Variants in RYR2 observed in about 807,000 individuals in gnomAD.
The protein encoded by RYR2 is ryanodine receptor 2, also known as cardiac muscle ryanodine receptor-calcium release channel.
Under a neutral mutation model 601.1 loss-of-function variants are expected in RYR2, and 227 were observed. The ratio of observed to expected loss-of-function variants is 0.38; its 90% confidence interval spans 0.34 to 0.42. RYR2 has a LOEUF of 0.42. Ranked by LOEUF, RYR2 falls within the 10% of genes least tolerant of loss-of-function variation. RYR2 has a pLI of 1.00. For missense variants in RYR2, 4,646 were observed against 6,156.5 expected (o/e 0.75, Z 8.21); for synonymous variants, 2,223 against 2,175.1 (o/e 1.02, Z -0.61).
At chr1:237,559,293 C>T (rs1410256205) in intron 27 of RYR2, among the ~76,000 whole-genome samples, 1 of 152,114 alleles carries the variant, frequency 6.6e-6, no homozygotes, top group Admixed American at 6.6e-5. Context: ...TGCCCCATCA[C>T]CCTCTCTCTA....
At chr1:237,354,387 G>T (rs1699122008) in intron 3 of RYR2, among the ~76,000 whole-genome samples, 1 of 151,982 alleles carries the variant, frequency 6.6e-6, no homozygotes, top group African/African-American at 2.4e-5. Flanking sequence ...CTGACATGCA[G>T]AAGTGAACCT....
Position 237,707,124 on chromosome 1 carries a change from T to C in RYR2, c.9756T>C (p.His3252=), listed in dbSNP as rs2149059008. 6.2e-7 allele frequency: 1 copy of C among 1,613,922 alleles called. No individual in the cohort carries two copies. The highest frequency in any genetic ancestry group is 8.5e-7 in the Non-Finnish European group (1 of 1,179,880). ...LCSYMSRWWE[H]GPENNPERAE... is the part of the protein sequence containing the mutation. ...GCTACATGTCTCGTTGGTGGGAGCA[T>C]GGACCTGAGAACAATCCAGAACGGG... Residue 3252 remains histidine (H), a synonymous_variant, in exon 68 of 105, where the codon CAT becomes CAC. Coordinates refer to ENST00000366574, the MANE Select transcript of RYR2 (RefSeq NM_001035.3).
chr1:237,160,541 G>A (rs1184242536), intron 1 of RYR2, among the ~76,000 whole-genome samples: 2 of 151,804 alleles, frequency 1.3e-5, no homozygotes, highest in African/African-American at 2.4e-5. Flanking sequence ...GTTTTTTTTG[G>A]TGGTGGTGGT....
intron 22 of RYR2, among the ~76,000 whole-genome samples, chr1:237,506,162 CT>C (rs35038087): frequency 0.6 from 85,697 of 142,210 alleles, 25,782 homozygotes; most frequent in East Asian, 0.67. Flanking sequence ...ACCAACACTC[CT>C]TTTTTTTTTT....
intron 1 of RYR2, among the ~76,000 whole-genome samples, chr1:237,202,281 A>C (rs1037651840): frequency 6.6e-6 from 1 of 152,140 alleles, no homozygotes; most frequent in African/African-American, 2.4e-5. Flanking sequence ...TTCTTATTGC[A>C]GTCTCTTTTT....
At chr1:237,611,015 C>G in intron 36 of RYR2, 27 bp downstream of exon 36, 1 of 1,583,654 alleles carries the variant, frequency 6.3e-7, no homozygotes, top group Non-Finnish European at 8.6e-7. Flanking sequence ...CCCTGACATT[C>G]TGATTGGGAC....
chr1:237,262,518 A>G lies in RYR2; in HGVS notation c.49-7979A>G, dbSNP rs565291077. On this transcript the variant is annotated intron_variant, in intron 1 of 104. Coordinates refer to ENST00000366574, the MANE Select transcript of RYR2 (RefSeq NM_001035.3). ...TTGATCCACCCGCCTCGGCCTCCCAAAGTGCTGAGATTATAGGCATGAGCC... is the reference window on the plus strand; with the variant it reads ...TTGATCCACCCGCCTCGGCCTCCCAGAGTGCTGAGATTATAGGCATGAGCC... Among the ~76,000 whole-genome samples the G allele has an allele frequency of 3.5e-3, 528 of 152,126 alleles. 4 individuals are homozygous for G. The highest frequency in any genetic ancestry group is 6.1e-3 in the Non-Finnish European group (417 of 67,986).
At chr1:237,320,682 A>G (rs967792389) in intron 2 of RYR2, among the ~76,000 whole-genome samples, 1 of 152,214 alleles carries the variant, frequency 6.6e-6, no homozygotes, top group African/African-American at 2.4e-5. Context: ...CTTCAACCAG[A>G]AAATATTGTA....
intron 92 of RYR2, 79 bp downstream of exon 92, chr1:237,788,214 CCT>C: frequency 8.4e-7 from 1 of 1,187,410 alleles, no homozygotes; most frequent in Non-Finnish European, 1.2e-6. Context: ...TGTTTGCTGA[CCT>C]CTCCCTGAGT....
intron 79 of RYR2, among the ~76,000 whole-genome samples, chr1:237,741,965 A>G (rs1691646134): frequency 6.6e-6 from 1 of 152,228 alleles, no homozygotes; most frequent in Non-Finnish European, 1.5e-5. Context: ...GCATAAAAAA[A>G]AGAGAAAATC....
At chr1:237,230,245 C>A (rs545551728) in intron 1 of RYR2, among the ~76,000 whole-genome samples, 17 of 152,168 alleles carry the variant, frequency 1.1e-4, no homozygotes, top group Admixed American at 3.3e-4. Context: ...ATGACAGATT[C>A]AATTTCTTTA....
chr1:237,201,113 A>C (rs968055252), intron 1 of RYR2, among the ~76,000 whole-genome samples: 2 of 152,312 alleles, frequency 1.3e-5, no homozygotes, highest in Admixed American at 1.3e-4. Context: ...CCTTTTCTTG[A>C]GTTCTGATTT....
rs572777221 is a variant in RYR2, at chr1:237,493,695, G to T, written c.1961+608G>T. On this transcript the variant is annotated intron_variant, in intron 19 of 104. Transcript: ENST00000366574. ...TCTCGAACTCCTGACCTCGTGATCT[G>T]CCCGCCTTGGCCTCCCAAAATGCTG... Among the ~76,000 whole-genome samples the T allele has an allele frequency of 1.2e-4, 18 of 152,262 alleles. No homozygotes were observed. In the South Asian group the frequency reaches 3.1e-3, roughly 26 times the overall value.
rs1393743612 is a variant in RYR2, at chr1:237,508,851, T to C, written c.2718+2037T>C. Among the ~76,000 whole-genome samples, 4 of 143,990 alleles carry C rather than the reference T, an allele frequency of 2.8e-5. No individual in the cohort carries two copies. In the East Asian group the frequency reaches 6.5e-4, roughly 24 times the overall value. 94.5% of individuals were successfully genotyped at this position (143,990 alleles called of 152,430 possible). On this transcript the variant is annotated intron_variant, in intron 23 of 104. Transcript: ENST00000366574. ...TCCGCCTCCCGGGTTCACGCCATTC[T>C]CCTGCCTCAGCCTCCCGAGTAGCTG...
chr1:237,573,735 C>A (rs929146693), intron 29 of RYR2, among the ~76,000 whole-genome samples: 10 of 151,576 alleles, frequency 6.6e-5, no homozygotes, highest in Admixed American at 6.6e-4. Context: ...TTGCTTGAAC[C>A]TGGGAGGTGG....
At chr1:237,438,115 A>G (rs1707577044) in intron 12 of RYR2, among the ~76,000 whole-genome samples, 1 of 152,038 alleles carries the variant, frequency 6.6e-6, no homozygotes, top group Non-Finnish European at 1.5e-5. Flanking sequence ...TGACCCAGTT[A>G]ATTTTGTATT....
intron 83 of RYR2, among the ~76,000 whole-genome samples, chr1:237,760,068 A>G (rs1693291023): frequency 6.6e-6 from 1 of 152,022 alleles, no homozygotes; most frequent in Non-Finnish European, 1.5e-5. Flanking sequence ...ATGTCTTAAA[A>G]TAGCTTTCCC....
chr1:237,666,864 C>G (rs1435689573), intron 57 of RYR2, among the ~76,000 whole-genome samples: 1 of 151,590 alleles, frequency 6.6e-6, no homozygotes, highest in Non-Finnish European at 1.5e-5. Context: ...GAGCTGAGAT[C>G]ACACCACTGC....
intron 28 of RYR2, among the ~76,000 whole-genome samples, chr1:237,567,415 C>A (rs1361185001): frequency 4.0e-3 from 451 of 111,830 alleles, no homozygotes; most frequent in African/African-American, 6.3e-3. Flanking sequence ...CCTGTCTCTA[C>A]AAAAAAAAAA....
Sources: gnomAD v4.1 joint callset for allele counts (sites outside exome capture counted in the v4.1 genomes callset) on GRCh38, gnomAD v4.1.1 for gene constraint, MANE v1.5 for transcripts, NCBI Gene and HGNC (gene_info 2026-07-23, HGNC 2026-07-21) for gene names.